The following CSTPP1 variants were observed in gnomAD, a reference collection of about 807,000 sequenced individuals.
CSTPP1 encodes the protein UPF0705 protein C11orf49.
chr11:47,056,318 G>A, the CSTPP1 span, among the ~76,000 whole-genome samples: 1 of 152,192 alleles, frequency 6.6e-6, no homozygotes, highest in Admixed American at 6.5e-5. Context: ...GCTAGTTTCT[G>A]TGATAGAACA....
the CSTPP1 span, among the ~76,000 whole-genome samples, chr11:47,095,141 G>C: frequency 6.6e-6 from 1 of 152,162 alleles, no homozygotes; most frequent in Non-Finnish European, 1.5e-5. Context: ...TCTTTTTCCT[G>C]AAAGAACTTT....
At chr11:47,115,121 A>T in the CSTPP1 span, among the ~76,000 whole-genome samples, 1 of 152,124 alleles carries the variant, frequency 6.6e-6, no homozygotes, top group South Asian at 2.1e-4. Flanking sequence ...TGTTTATATG[A>T]TGGATTACAT....
chr11:47,032,937 A>C, the CSTPP1 span, among the ~76,000 whole-genome samples: 6 of 152,262 alleles, frequency 3.9e-5, no homozygotes, highest in African/African-American at 1.4e-4. Context: ...GTTGATTAAC[A>C]CATACCTTGT....
At chr11:47,160,742 C>G in the CSTPP1 span, 2 of 171,648 alleles carry the variant, frequency 1.2e-5, no homozygotes, top group African/African-American at 4.8e-5. Flanking sequence ...TTTAGGGACA[C>G]AAAATTAGGT....
the CSTPP1 span, among the ~76,000 whole-genome samples, chr11:47,136,312 C>T: frequency 1.3e-5 from 2 of 152,132 alleles, no homozygotes; most frequent in African/African-American, 4.8e-5. Flanking sequence ...AGCCTGAGAC[C>T]ACGAGTGGCA....
At chr11:47,135,229 TG>T in the CSTPP1 span, among the ~76,000 whole-genome samples, 1 of 152,206 alleles carries the variant, frequency 6.6e-6, no homozygotes, top group Non-Finnish European at 1.5e-5. Flanking sequence ...TCCCATTGTT[TG>T]ATGTTACTAA....
the CSTPP1 span, chr11:47,155,152 TCA>T: frequency 1.3e-6 from 2 of 1,575,636 alleles, no homozygotes; most frequent in Non-Finnish European, 1.7e-6. Context: ...ATTCTCTCTC[TCA>T]GATTCTCTCT....
the CSTPP1 span, among the ~76,000 whole-genome samples, chr11:47,150,818 A>T: frequency 7.1e-6 from 1 of 140,692 alleles, no homozygotes; most frequent in Non-Finnish European, 1.5e-5. Context: ...GGGCAGATGG[A>T]GCGGGCTCAC....
At chr11:47,074,211 C>T in the CSTPP1 span, among the ~76,000 whole-genome samples, 1 of 151,128 alleles carries the variant, frequency 6.6e-6, no homozygotes, top group African/African-American at 2.4e-5. Context: ...AACAACAAAT[C>T]AAAAAGCACC....
the CSTPP1 span, chr11:47,155,152 T>C: frequency 6.3e-7 from 1 of 1,575,518 alleles, no homozygotes; most frequent in Non-Finnish European, 8.7e-7. Flanking sequence ...ATTCTCTCTC[T>C]CAGATTCTCT....
At chr11:47,131,505 A>G in the CSTPP1 span, among the ~76,000 whole-genome samples, 429 of 152,364 alleles carry the variant, frequency 2.8e-3, 3 homozygotes, top group African/African-American at 9.5e-3. Flanking sequence ...TAATTTTCTT[A>G]GCTAAAGTAA....
At chr11:47,147,882 G>GAGTA in the CSTPP1 span, among the ~76,000 whole-genome samples, 1 of 152,316 alleles carries the variant, frequency 6.6e-6, no homozygotes, top group South Asian at 2.1e-4. Context: ...AGTGCTGACA[G>GAGTA]AGTAAGCCCT....
At chr11:47,106,721 C>CA in the CSTPP1 span, among the ~76,000 whole-genome samples, 1 of 152,150 alleles carries the variant, frequency 6.6e-6, no homozygotes, top group Middle Eastern at 3.4e-3. Context: ...TTTACCTAGG[C>CA]AAAATGCCCA....
chr11:47,089,891 A>G, the CSTPP1 span, among the ~76,000 whole-genome samples: 82 of 152,232 alleles, frequency 5.4e-4, no homozygotes, highest in African/African-American at 1.7e-3. Flanking sequence ...CCAAACAGTG[A>G]AGAGAAAATA....
chr11:46,974,857 AAC>A, the CSTPP1 span, among the ~76,000 whole-genome samples: 8,061 of 144,012 alleles, frequency 0.056, 242 homozygotes, highest in Non-Finnish European at 0.066. Flanking sequence ...TCTATCTCAA[AAC>A]ACACACACAC....
At chr11:47,039,329 C>A in the CSTPP1 span, among the ~76,000 whole-genome samples, 1 of 127,756 alleles carries the variant, frequency 7.8e-6, no homozygotes, top group Non-Finnish European at 1.9e-5. Context: ...AGCGAAACCC[C>A]GTCTCCACCA....
chr11:47,134,944 AC>A, the CSTPP1 span, among the ~76,000 whole-genome samples: 24 of 152,058 alleles, frequency 1.6e-4, no homozygotes, highest in Admixed American at 3.3e-4. Context: ...CCCCGTCTCT[AC>A]AAAAATTTTT....
the CSTPP1 span, among the ~76,000 whole-genome samples, chr11:47,130,206 G>T: frequency 6.6e-6 from 1 of 151,206 alleles, no homozygotes; most frequent in Non-Finnish European, 1.5e-5. Context: ...GCAGTGAGCC[G>T]AGATAGCGCC....
the CSTPP1 span, among the ~76,000 whole-genome samples, chr11:47,143,494 T>C: frequency 6.6e-6 from 1 of 152,310 alleles, no homozygotes. Flanking sequence ...AGGGGCATGG[T>C]GTCTCCACAT....
Sources: gnomAD v4.1 joint callset for allele counts (sites outside exome capture counted in the v4.1 genomes callset) on GRCh38, gnomAD v4.1.1 for gene constraint, MANE v1.5 for transcripts, NCBI Gene and HGNC (gene_info 2026-07-23, HGNC 2026-07-21) for gene names.